Variants in DNAJC5G observed in about 807,000 individuals in gnomAD.
DNAJC5G encodes the protein dnaJ homolog subfamily C member 5G.
A neutral mutation model predicts 19.1 loss-of-function variants in DNAJC5G; 13 were observed. The ratio of observed to expected loss-of-function variants is 0.68; its 90% CI spans 0.44 to 1.08. The LOEUF (loss-of-function observed/expected upper bound fraction) is 1.08. Ranked by LOEUF, DNAJC5G falls within the 50% of genes least tolerant of loss-of-function variation. DNAJC5G has a pLI of 0.00. For missense variants in DNAJC5G, 245 were observed against 230.4 expected (o/e 1.06, Z -0.41); for synonymous variants, 81 against 84.4 (o/e 0.96, Z 0.22).
At chr2:27,276,607 TCTGTCATCGTTTAC>T (rs1269099067) in intron 2 of DNAJC5G, 105 bp from the exon 3 acceptor site, 4 of 757,318 alleles carry the variant, frequency 5.3e-6, no homozygotes, top group Non-Finnish European at 8.5e-6. Flanking sequence ...TCCTTGTCCT[TCTGTCATCGTTTAC>T]CTGCCTAATC....
rs566504185 is a variant in DNAJC5G at position 27,281,467 on chromosome 2, G to A, written c.*1057G>A. The stretch of plus-strand genomic sequence containing the variant: ...ATATTATGCCCAAAAAAGACAAATT[G>A]TGTCTGGGGTAGAGAAAAAAGGCCT... On this transcript the variant is annotated 3_prime_UTR_variant, in exon 7 of 7. Transcript: ENST00000296097. The A allele has an allele frequency of 9.2e-5, 14 of 152,356 alleles. No individual in the cohort carries two copies. The highest frequency in any genetic ancestry group is 1.8e-4 in the Non-Finnish European group (12 of 68,044). 9.4% of individuals were successfully genotyped at this position (152,356 alleles called of 1,614,324 possible).
intron 2 of DNAJC5G, 56 bp from the exon 3 acceptor site, chr2:27,276,670 T>C: frequency 6.4e-7 from 1 of 1,550,878 alleles, no homozygotes. Context: ...GAAGTGCACT[T>C]CTCGGTACCC....
At chr2:27,278,062 CTTCCT>C in intron 4 of DNAJC5G, 47 bp downstream of exon 4, 1 of 1,607,882 alleles carries the variant, frequency 6.2e-7, no homozygotes, top group East Asian at 2.2e-5. Flanking sequence ...GAAGGGTGAC[CTTCCT>C]TTCCTTATGA....
At chr2:27,278,896 T>G (rs1449378999) in intron 5 of DNAJC5G, among the ~76,000 whole-genome samples, 2 of 149,736 alleles carry the variant, frequency 1.3e-5, no homozygotes, top group African/African-American at 2.5e-5. Flanking sequence ...CCCCAGCTAC[T>G]TAGGAGGCTG....
chr2:27,280,364 T>C, intron 6 of DNAJC5G, 65 bp from the exon 7 acceptor site: 3 of 791,658 alleles, frequency 3.8e-6, no homozygotes, highest in Non-Finnish European at 6.2e-6. Context: ...CATGTAGGGG[T>C]TTGCTTTAAG....
intron 5 of DNAJC5G, 87 bp from the exon 6 acceptor site, chr2:27,280,079 A>G (rs978349950): frequency 7.8e-7 from 1 of 1,280,636 alleles, no homozygotes; most frequent in African/African-American, 1.5e-5. Context: ...CTAATGAGTA[A>G]CTGCAAGGTA....
chr2:27,277,249 CGTTTGTTT>C (rs370986157), intron 3 of DNAJC5G, among the ~76,000 whole-genome samples: 261 of 147,964 alleles, frequency 1.8e-3, no homozygotes, highest in African/African-American at 5.7e-3. Flanking sequence ...GCCTACGACC[CGTTTGTTT>C]GTTTGTTTGT....
Position 27,276,844 on chromosome 2 carries a change from T to G in DNAJC5G, c.113+3T>G, listed in dbSNP as rs1278601709. 2 of 1,613,186 alleles carry G rather than the reference T, an allele frequency of 1.2e-6. No homozygotes were observed. The highest frequency in any genetic ancestry group is 2.2e-5 in the South Asian group (2 of 91,018). ...GAAGACTTCAAAAAATCCTACAGGT[T>G]CAGACCTCAGCCCTTTATTGATCCT... On this transcript the variant is annotated splice_donor_region_variant and intron_variant, in intron 3 of 6. Coordinates refer to ENST00000296097, the MANE Select transcript of DNAJC5G (RefSeq NM_173650.3).
intron 3 of DNAJC5G, 119 bp downstream of exon 3, chr2:27,276,960 C>T (rs1452335929): frequency 1.2e-6 from 1 of 828,034 alleles, no homozygotes; most frequent in Non-Finnish European, 1.8e-6. Context: ...GAAGTCTCGT[C>T]CTGTCACAGA....
chr2:27,276,728 C>A lies in DNAJC5G; in HGVS notation c.-1C>A. On this transcript the variant is annotated splice_region_variant and 5_prime_UTR_variant, in exon 3 of 7. Coordinates refer to ENST00000296097, the MANE Select transcript of DNAJC5G (RefSeq NM_173650.3). The stretch of plus-strand genomic sequence containing the variant: ...ATGCTGCTTCTCCTCTGGCTCAGAT[C>A]ATGTCTACTGTGAAGGAAGCAGCAC... 6.2e-7 allele frequency: 1 copy of A among 1,613,522 alleles called. No individual in the cohort carries two copies.
intron 5 of DNAJC5G, 28 bp downstream of exon 5, chr2:27,278,360 G>T: frequency 6.2e-7 from 1 of 1,612,992 alleles, no homozygotes; most frequent in Non-Finnish European, 8.5e-7. Context: ...GGACTGTGAG[G>T]TAAGAAATGT....
chr2:27,277,397 G>A (rs1308152246), intron 3 of DNAJC5G, among the ~76,000 whole-genome samples: 1 of 151,746 alleles, frequency 6.6e-6, no homozygotes, highest in African/African-American at 2.4e-5. Context: ...CGAGTAGCTG[G>A]GATTACAGGT....
intron 3 of DNAJC5G, 79 bp downstream of exon 3, chr2:27,276,920 A>AAT: frequency 6.4e-6 from 5 of 783,704 alleles, no homozygotes; most frequent in Non-Finnish European, 7.1e-6. Flanking sequence ...TTGCTATCTG[A>AAT]CTCTTTTTTT....
In DNAJC5G at chr2:27,277,999, A is replaced by G. The variant is rs769114019; in HGVS notation, c.359A>G (p.Asn120Ser). The change falls in exon 4 of 7, where the codon AAT becomes AGT. Residue 120 changes from asparagine to serine, a missense_variant. By Grantham distance (46) the Asn-to-Ser change is conservative. Coordinates refer to ENST00000296097, the MANE Select transcript of DNAJC5G (RefSeq NM_173650.3). ...EEGVRYYFIL[N>S]SCWFKTLVIL... is the part of the protein sequence containing the mutation. Reference sequence around the variant, plus strand: ...GGCGTCAGATACTATTTTATTCTGAATAGTTGTTGGTTCAAGGTACACAAT... The same window carrying G: ...GGCGTCAGATACTATTTTATTCTGAGTAGTTGTTGGTTCAAGGTACACAAT... 5.6e-6 allele frequency: 9 copies of G among 1,614,170 alleles called. No homozygotes were observed. Among genetic ancestry groups the G allele is most frequent in the Non-Finnish European group, 7.6e-6 (9 of 1,180,012 alleles).
intron 3 of DNAJC5G, 139 bp from the exon 4 acceptor site, chr2:27,277,615 C>T: frequency 8.5e-7 from 1 of 1,170,016 alleles, no homozygotes; most frequent in East Asian, 2.4e-5. Flanking sequence ...CAAATGGCAC[C>T]ATCACCCTCT....
chr2:27,276,675 G>A, intron 2 of DNAJC5G, 51 bp from the exon 3 acceptor site: 1 of 1,565,948 alleles, frequency 6.4e-7, no homozygotes, highest in African/African-American at 1.4e-5. Context: ...GCACTTCTCG[G>A]TACCCTTACT....
intron 5 of DNAJC5G, 50 bp from the exon 6 acceptor site, chr2:27,280,114 GAA>G (rs1678301900): frequency 1.3e-6 from 2 of 1,575,128 alleles, no homozygotes; most frequent in East Asian, 2.2e-5. Flanking sequence ...AGTACACTAC[GAA>G]AAGTTACTAA....
chr2:27,277,503 C>T (rs1678156493), intron 3 of DNAJC5G, among the ~76,000 whole-genome samples: 1 of 152,044 alleles, frequency 6.6e-6, no homozygotes, highest in African/African-American at 2.4e-5. Flanking sequence ...ACCTCATGAT[C>T]CGCCCACCTT....
chr2:27,278,466 A>G (rs1678214488), intron 5 of DNAJC5G, 134 bp downstream of exon 5: 1 of 1,331,200 alleles, frequency 7.5e-7, no homozygotes, highest in Admixed American at 2.5e-5. Context: ...GGATCACTTG[A>G]GGTCAGGAGT....
Sources: gnomAD v4.1 joint callset for allele counts (sites outside exome capture counted in the v4.1 genomes callset) on GRCh38, gnomAD v4.1.1 for gene constraint, MANE v1.5 for transcripts, NCBI Gene and HGNC (gene_info 2026-07-23, HGNC 2026-07-21) for gene names.